The following LPO variants were observed in gnomAD, a reference collection of about 807,000 sequenced individuals.
LPO encodes the protein lactoperoxidase.
In LPO, 70 loss-of-function variants were observed where a neutral mutation model predicts 68.4. That is an observed-to-expected ratio of 1.02 (90% CI 0.84 to 1.25). The LOEUF (loss-of-function observed/expected upper bound fraction) is 1.25. LPO is among the 50% of genes most tolerant of loss of function. The probability of loss-of-function intolerance (pLI) is 0.00; values close to 1 mark genes in which losing one functional copy is unlikely to be tolerated. For synonymous variants in LPO, 360 were observed against 357.6 expected (o/e 1.01, Z -0.08); for missense variants, 873 against 908.4 (o/e 0.96, Z 0.50).
chr17:58,243,790 C>G (rs1004985194), intron 2 of LPO: 2 of 593,326 alleles, frequency 3.4e-6, no homozygotes, highest in African/African-American at 3.7e-5. Context: ...ATTTTGACAT[C>G]TTGTTGAAGA....
At chr17:58,262,785 A>G (rs1970198496) in intron 9 of LPO, among the ~76,000 whole-genome samples, 1 of 152,256 alleles carries the variant, frequency 6.6e-6, no homozygotes, top group East Asian at 1.9e-4. Flanking sequence ...TCAGAAATTT[A>G]ATTATGATAT....
intron 10 of LPO, 135 bp downstream of exon 10, chr17:58,265,109 A>G: frequency 1.7e-6 from 2 of 1,146,996 alleles, no homozygotes; most frequent in South Asian, 1.6e-5. Context: ...ACTGAGCCTC[A>G]GTTTCCTCAT....
chr17:58,250,304 G>C, intron 6 of LPO, 111 bp from the exon 7 acceptor site: 3 of 845,700 alleles, frequency 3.5e-6, no homozygotes, highest in East Asian at 4.9e-5. Flanking sequence ...ACTCCTTGTA[G>C]GGATTAAGTG....
intron 2 of LPO, chr17:58,243,376 G>A (rs1468574222): frequency 3.1e-6 from 1 of 325,504 alleles, no homozygotes; most frequent in African/African-American, 2.2e-5. Context: ...TGGATTTAGG[G>A]CCGATGCTAA....
intron 8 of LPO, among the ~76,000 whole-genome samples, chr17:58,254,130 T>TAGATATAC (rs1301531017): frequency 1.1e-5 from 1 of 94,628 alleles, no homozygotes; most frequent in African/African-American, 4.4e-5. Flanking sequence ...TAGATGATGA[T>TAGATATAC]AGATATATAG....
intron 12 of LPO, 83 bp from the exon 13 acceptor site, chr17:58,267,704 C>G (rs1024870303): frequency 6.7e-6 from 10 of 1,487,750 alleles, no homozygotes; most frequent in African/African-American, 2.8e-5. Context: ...TTCATGGTCC[C>G]TGTGACCCTT....
chr17:58,238,834 C>T (rs1969705225), intron 1 of LPO, 95 bp downstream of exon 1: 1 of 152,172 alleles, frequency 6.6e-6, no homozygotes, highest in Non-Finnish European at 1.5e-5. Context: ...TGGATTTAGA[C>T]TTGTCTCTAT....
intron 9 of LPO, among the ~76,000 whole-genome samples, chr17:58,261,757 G>A (rs1255078392): frequency 6.6e-6 from 1 of 151,960 alleles, no homozygotes; most frequent in Non-Finnish European, 1.5e-5. Context: ...ATTTTTTAGA[G>A]GTCCATTTGA....
At chr17:58,243,303 T>A (rs1479635137) in intron 2 of LPO, 3 of 479,614 alleles carry the variant, frequency 6.3e-6, no homozygotes, top group Non-Finnish European at 1.1e-5. Flanking sequence ...AATCTCTGCC[T>A]CAGTCTTTGC....
chr17:58,264,245 T>A (rs1970219881), intron 9 of LPO, among the ~76,000 whole-genome samples: 1 of 152,252 alleles, frequency 6.6e-6, no homozygotes, highest in African/African-American at 2.4e-5. Context: ...TAGTTCATTG[T>A]GTTTTTATGT....
In LPO at chr17:58,268,168, T is replaced by C. The variant is rs1019121961; in HGVS notation, c.*174T>C. On this transcript the variant is annotated 3_prime_UTR_variant, in exon 13 of 13. Coordinates refer to ENST00000262290, the MANE Select transcript of LPO (RefSeq NM_006151.3). ...GGCCCCAGGGTGGCTGCCTCGGCCC[T>C]CCCAGCTCTTACACTCAGCTCCAGT... 2 of 626,984 alleles carry C rather than the reference T, an allele frequency of 3.2e-6. No individual in the cohort carries two copies. Among genetic ancestry groups the C allele is most frequent in the African/African-American group, 3.7e-5 (2 of 54,288 alleles). 38.8% of individuals were successfully genotyped at this position (626,984 alleles called of 1,614,324 possible). A position where few individuals can be genotyped will look rare whatever the true frequency, so the allele number is the denominator to read the frequency against.
intron 4 of LPO, among the ~76,000 whole-genome samples, chr17:58,248,359 A>G (rs2143898751): frequency 6.6e-6 from 1 of 152,340 alleles, no homozygotes. Context: ...CCTCTGAAAT[A>G]CAAAAGGTTC....
At chr17:58,244,980 T>G (rs989365040) in intron 3 of LPO, among the ~76,000 whole-genome samples, 1 of 151,958 alleles carries the variant, frequency 6.6e-6, no homozygotes, top group Non-Finnish European at 1.5e-5. Flanking sequence ...CCTTATTCTT[T>G]CCTCTCGCTG....
At chr17:58,249,396 G>A (rs944308629) in intron 5 of LPO, 170 bp from the exon 6 acceptor site, 2 of 1,103,042 alleles carry the variant, frequency 1.8e-6, no homozygotes, top group African/African-American at 1.6e-5. Flanking sequence ...CGGGGCGGGG[G>A]AGCCCCGCGC....
intron 1 of LPO, 57 bp from the exon 2 acceptor site, chr17:58,242,921 A>C (rs1969782618): frequency 6.7e-7 from 1 of 1,494,340 alleles, no homozygotes; most frequent in Admixed American, 1.7e-5. Flanking sequence ...CTGTGGTTCA[A>C]ACCCTCCCAC....
chr17:58,265,196 C>T (rs1482875121), intron 10 of LPO, among the ~76,000 whole-genome samples: 1 of 152,182 alleles, frequency 6.6e-6, no homozygotes, highest in African/African-American at 2.4e-5. Flanking sequence ...ATGTGGAGCA[C>T]CCTACAATGG....
At chr17:58,251,692 G>A (rs1480356408) in intron 7 of LPO, 1 of 361,688 alleles carries the variant, frequency 2.8e-6, no homozygotes, top group Non-Finnish European at 5.4e-6. Flanking sequence ...AAGTTCTTAG[G>A]CAACTTACTT....
At position 58,264,770 on chromosome 17, in the gene LPO, C is replaced by T. The variant is rs1188231008; in HGVS notation, c.1315C>T (p.Gln439Ter). 1.9e-6 allele frequency: 3 copies of T among 1,614,054 alleles called. No homozygotes were observed. The highest frequency in any genetic ancestry group is 4.5e-5 in the East Asian group (2 of 44,902). Residue 439 changes from glutamine (Q) to a stop codon, truncating the protein, a stop_gained, in exon 10 of 13, where the codon CAG becomes TAG. Transcript: ENST00000262290. LOFTEE classifies it high-confidence loss of function. Reference protein sequence around the residue: ...YLPILLGDHMQKWIPPYQGYS... With the variant: ...YLPILLGDHM ...ACCCATTTTGCTAGGTGACCACATGCAGAAGTGGATACCCCCATATCAAGG... is the reference window on the plus strand; with the variant it reads ...ACCCATTTTGCTAGGTGACCACATGTAGAAGTGGATACCCCCATATCAAGG...
chr17:58,265,095 C>T, intron 10 of LPO, 121 bp downstream of exon 10: 1 of 1,231,338 alleles, frequency 8.1e-7, no homozygotes. Context: ...AATGAATTCA[C>T]CTCACTGAGC....
Sources: allele counts gnomAD v4.1 joint callset (sites outside exome capture counted in the v4.1 genomes callset), GRCh38; gene constraint gnomAD v4.1.1; transcripts MANE v1.5; gene names NCBI Gene and HGNC (gene_info 2026-07-23, HGNC 2026-07-21).